The following POC1B variants were observed in gnomAD, a reference collection of about 807,000 sequenced individuals.
POC1B encodes the protein POC1 centriolar protein B.
In POC1B, 44 loss-of-function variants were observed where a neutral mutation model predicts 60.6. The observed-to-expected ratio is 0.73, with a 90% confidence interval of 0.57 to 0.93. The LOEUF is 0.93. Ranked by LOEUF, POC1B falls within the 40% of genes least tolerant of loss-of-function variation. The probability of loss-of-function intolerance (pLI) is 0.00; values close to 1 mark genes in which losing one functional copy is unlikely to be tolerated. For missense variants in POC1B, 555 were observed against 572.3 expected (o/e 0.97, Z 0.31); for synonymous variants, 180 against 198.9 (o/e 0.90, Z 0.80).
At chr12:89,422,952 T>C (rs1036688995) in intron 11 of POC1B, among the ~76,000 whole-genome samples, 1 of 152,226 alleles carries the variant, frequency 6.6e-6, no homozygotes, top group African/African-American at 2.4e-5. Context: ...ATAATGGTGA[T>C]GCTGTTAATA....
At chr12:89,522,159 G>A (rs956070375) in intron 2 of POC1B, 8 of 398,692 alleles carry the variant, frequency 2.0e-5, no homozygotes, top group Non-Finnish European at 4.4e-6. Context: ...TACAAAGTAC[G>A]GAATGTAAAT....
At chr12:89,416,749 AAT>A (rs1167916618), downstream of POC1B, among the ~76,000 whole-genome samples, 1 of 152,218 alleles carries the variant, frequency 6.6e-6, no homozygotes, top group Non-Finnish European at 1.5e-5. Context: ...GTTAATATAA[AAT>A]TTCCAACTTT....
the POC1B span, among the ~76,000 whole-genome samples, chr12:89,411,384 A>G: frequency 3.7e-4 from 56 of 152,220 alleles, no homozygotes; most frequent in Non-Finnish European, 4.0e-4. Flanking sequence ...TGGTTGTTTT[A>G]TATGCACATT....
At chr12:89,403,539 T>G in the POC1B span, among the ~76,000 whole-genome samples, 1 of 151,900 alleles carries the variant, frequency 6.6e-6, no homozygotes. Context: ...TTTCTGAGAG[T>G]TTTTTGAGGC....
the POC1B span, among the ~76,000 whole-genome samples, chr12:89,403,312 A>G: frequency 6.6e-6 from 1 of 152,246 alleles, no homozygotes; most frequent in Non-Finnish European, 1.5e-5. Context: ...CAGCCCTGAC[A>G]CACGTACATT....
chr12:89,475,744 A>C (rs1883076198), intron 4 of POC1B, among the ~76,000 whole-genome samples: 1 of 152,044 alleles, frequency 6.6e-6, no homozygotes, highest in African/African-American at 2.4e-5. Flanking sequence ...GCCTTTAAAA[A>C]CGTCTACAAA....
At chr12:89,429,536 TCTC>T (rs1880935755) in intron 10 of POC1B, 1 of 152,192 alleles carries the variant, frequency 6.6e-6, no homozygotes, top group South Asian at 2.1e-4. Flanking sequence ...ATTGAGATAC[TCTC>T]CTATTTCAAA....
Position 89,442,606 on chromosome 12 carries a change from A to G in POC1B, c.1113+17032T>C, listed in dbSNP as rs1289948533. Among the ~76,000 whole-genome samples the G allele has an allele frequency of 4.6e-5, 7 of 152,340 alleles. 1 individual carries two copies. Among genetic ancestry groups the G allele is most frequent in the Non-Finnish European group, 2.9e-5 (2 of 68,036 alleles). On this transcript the variant is annotated intron_variant, in intron 10 of 11. Transcript: ENST00000313546. Reference sequence around the variant, plus strand: ...CCTTACAAGAGCTCCTGAAGGAAGCACTAAACATGGAAAGGAACAACCGGT... The same window carrying G: ...CCTTACAAGAGCTCCTGAAGGAAGCGCTAAACATGGAAAGGAACAACCGGT...
At chr12:89,512,765 T>A (rs1870249278) in intron 2 of POC1B, among the ~76,000 whole-genome samples, 1 of 152,148 alleles carries the variant, frequency 6.6e-6, no homozygotes, top group South Asian at 2.1e-4. Flanking sequence ...CTTTATTTAA[T>A]CCTAACAACA....
intron 2 of POC1B, among the ~76,000 whole-genome samples, chr12:89,516,364 C>CTAAA (rs1172731660): frequency 6.6e-6 from 1 of 152,194 alleles, no homozygotes; most frequent in Non-Finnish European, 1.5e-5. Flanking sequence ...TCCCATGACA[C>CTAAA]TAAATACCAT....
chr12:89,500,950 G>T, intron 2 of POC1B: 1 of 906,690 alleles, frequency 1.1e-6, no homozygotes, highest in East Asian at 2.5e-5. Flanking sequence ...GTTAGGCATG[G>T]AGGAATTGTT....
At chr12:89,477,292 G>A (rs1883160163) in intron 4 of POC1B, among the ~76,000 whole-genome samples, 1 of 152,108 alleles carries the variant, frequency 6.6e-6, no homozygotes, top group South Asian at 2.1e-4. Context: ...TACAGTAGCA[G>A]GATTCATTTC....
chr12:89,507,878 G>C (rs1002689327), intron 2 of POC1B, among the ~76,000 whole-genome samples: 3 of 152,202 alleles, frequency 2.0e-5, no homozygotes, highest in African/African-American at 7.2e-5. Flanking sequence ...TAGAGGCTCT[G>C]TCTGGAACAC....
At chr12:89,513,960 G>C (rs1442081718) in intron 2 of POC1B, among the ~76,000 whole-genome samples, 1 of 152,144 alleles carries the variant, frequency 6.6e-6, no homozygotes, top group Non-Finnish European at 1.5e-5. Context: ...ACCATAAAAA[G>C]GGATGACAAC....
chr12:89,500,114 C>T, intron 2 of POC1B: 1 of 1,477,232 alleles, frequency 6.8e-7, no homozygotes, highest in South Asian at 1.2e-5. Context: ...GGGTCTGGAT[C>T]ATCTCAAAAA....
At chr12:89,478,678 T>C (rs1025912367) in intron 4 of POC1B, among the ~76,000 whole-genome samples, 1 of 152,218 alleles carries the variant, frequency 6.6e-6, no homozygotes, top group Non-Finnish European at 1.5e-5. Context: ...ATATACCTAA[T>C]GCCACAGAAC....
intron 4 of POC1B, among the ~76,000 whole-genome samples, chr12:89,478,771 G>A (rs73194522): frequency 0.065 from 9,868 of 152,090 alleles, 421 homozygotes; most frequent in Non-Finnish European, 0.097. Context: ...AATTCAGATG[G>A]TCAAAAGATC....
chr12:89,431,339 T>C (rs1336111166), intron 10 of POC1B, among the ~76,000 whole-genome samples: 1 of 152,200 alleles, frequency 6.6e-6, no homozygotes, highest in African/African-American at 2.4e-5. Context: ...TTGTCAGAGA[T>C]ATTGTGAAAG....
intron 4 of POC1B, among the ~76,000 whole-genome samples, chr12:89,488,000 C>T (rs1388224604): frequency 6.6e-6 from 1 of 152,122 alleles, no homozygotes; most frequent in East Asian, 1.9e-4. Flanking sequence ...CTGTGTCTTT[C>T]ATCTCTACAT....
Sources: gnomAD v4.1 joint callset for allele counts (sites outside exome capture counted in the v4.1 genomes callset) on GRCh38, gnomAD v4.1.1 for gene constraint, MANE v1.5 for transcripts, NCBI Gene and HGNC (gene_info 2026-07-23, HGNC 2026-07-21) for gene names.